The following CALN1 variants were observed in gnomAD, a reference collection of about 807,000 sequenced individuals.
CALN1 encodes calcium-binding protein 8.
In CALN1, 17 loss-of-function variants were observed where a neutral mutation model predicts 30.6. The ratio of observed to expected loss-of-function variants is 0.56; its 90% confidence interval spans 0.38 to 0.83. CALN1 has a LOEUF of 0.83. CALN1 is among the 40% of genes least tolerant of loss of function. The pLI is 0.00. For missense variants in CALN1, 291 were observed against 354.9 expected (o/e 0.82, Z 1.45); for synonymous variants, 156 against 131.4 (o/e 1.19, Z -1.28).
At chr7:72,323,678 A>AAT (rs1554370690) in intron 2 of CALN1, among the ~76,000 whole-genome samples, 13 of 108,848 alleles carry the variant, frequency 1.2e-4, no homozygotes, top group African/African-American at 3.5e-4. Flanking sequence ...AAAAAAATAA[A>AAT]AAATAAAGAG....
At chr7:72,503,061 G>A in the CALN1 span, among the ~76,000 whole-genome samples, 20 of 152,198 alleles carry the variant, frequency 1.3e-4, no homozygotes, top group Admixed American at 1.2e-3. Context: ...CAGGAGAATC[G>A]CTTGAATCTG....
At chr7:72,270,699 CAGG>C (rs1356212567) in intron 3 of CALN1, among the ~76,000 whole-genome samples, 1 of 152,186 alleles carries the variant, frequency 6.6e-6, no homozygotes, top group Non-Finnish European at 1.5e-5. Context: ...CGCTTGAGAT[CAGG>C]AGGTCAATGC....
rs149417473 is a variant in CALN1 at position 72,058,877 on chromosome 7, C to T, written c.389-35108G>A. 7.2e-5 allele frequency among the ~76,000 whole-genome samples: 11 copies of T among 152,120 alleles called. No individual in the cohort carries two copies. In the East Asian group the frequency reaches 1.9e-3, roughly 27 times the overall value. ...TATTCTGCATTAAAAAAACAAAAGTCGAAAACGAAGAACGCTGTCTGGCTT... is the reference window on the plus strand; with the variant it reads ...TATTCTGCATTAAAAAAACAAAAGTTGAAAACGAAGAACGCTGTCTGGCTT... On this transcript the variant is annotated intron_variant, in intron 4 of 6. Transcript: ENST00000395275.
chr7:71,828,632 G>A (rs11981485), intron 5 of CALN1, among the ~76,000 whole-genome samples: 1 of 149,560 alleles, frequency 6.7e-6, no homozygotes, highest in Non-Finnish European at 1.5e-5. Context: ...CTGCCTTTCT[G>A]AACAGAACCA....
chr7:72,121,823 G>A (rs977423105), intron 3 of CALN1, among the ~76,000 whole-genome samples: 1 of 139,262 alleles, frequency 7.2e-6, no homozygotes, highest in Non-Finnish European at 1.5e-5. Context: ...AACATGGTTG[G>A]TTATTATAAA....
At chr7:72,011,235 C>T (rs1466654489) in intron 5 of CALN1, among the ~76,000 whole-genome samples, 1 of 149,588 alleles carries the variant, frequency 6.7e-6, no homozygotes, top group African/African-American at 2.5e-5. Context: ...CAAAAAAAAA[C>T]AAAAACAAAA....
Position 72,254,060 on chromosome 7 carries a change from G to A in CALN1, c.244+24626C>T, listed in dbSNP as rs529497110. ...CCAGCCTCATATCCCCATTTTACCA[G>A]AAGGCAAACTGAGGCTCCATTTCTG... On this transcript the variant is annotated intron_variant, in intron 3 of 6. Transcript: ENST00000395275. Among the ~76,000 whole-genome samples, 43 of 152,154 alleles carry A rather than the reference G, an allele frequency of 2.8e-4. 1 individual carries two copies. Among genetic ancestry groups the A allele is most frequent in the African/African-American group, 9.6e-4 (40 of 41,508 alleles).
chr7:72,267,775 G>A (rs1796692638), intron 3 of CALN1, among the ~76,000 whole-genome samples: 1 of 152,246 alleles, frequency 6.6e-6, no homozygotes, highest in Non-Finnish European at 1.5e-5. Flanking sequence ...GGCAGGCTGA[G>A]GAAGGAGGAT....
intron 5 of CALN1, among the ~76,000 whole-genome samples, chr7:71,912,176 C>T (rs1794458320): frequency 6.6e-6 from 1 of 152,074 alleles, no homozygotes; most frequent in African/African-American, 2.4e-5. Context: ...AAGAGAAAGG[C>T]TTAAGTGGCC....
chr7:72,069,242 C>T (rs1463361940), intron 4 of CALN1, among the ~76,000 whole-genome samples: 1 of 152,202 alleles, frequency 6.6e-6, no homozygotes, highest in Non-Finnish European at 1.5e-5. Context: ...TGGGTCCCCG[C>T]TGCTCAGGCA....
At chr7:71,954,142 A>G (rs1796840923) in intron 5 of CALN1, among the ~76,000 whole-genome samples, 1 of 151,924 alleles carries the variant, frequency 6.6e-6, no homozygotes, top group Non-Finnish European at 1.5e-5. Context: ...TGGGCAACAT[A>G]GCAAGACATC....
intron 5 of CALN1, among the ~76,000 whole-genome samples, chr7:71,834,860 C>G (rs376329217): frequency 2.6e-5 from 4 of 152,172 alleles, no homozygotes; most frequent in African/African-American, 9.7e-5. Context: ...GAGACAGCGT[C>G]TTACTCTGTC....
intron 2 of CALN1, among the ~76,000 whole-genome samples, chr7:72,364,043 G>T (rs1192397988): frequency 1.4e-5 from 2 of 143,982 alleles, no homozygotes; most frequent in Non-Finnish European, 3.0e-5. Flanking sequence ...CACAAAATGT[G>T]TTTTTAATTC....
At chr7:72,202,392 A>G (rs1791503775) in intron 3 of CALN1, among the ~76,000 whole-genome samples, 2 of 152,188 alleles carry the variant, frequency 1.3e-5, no homozygotes, top group Admixed American at 1.3e-4. Context: ...CAAACTAATG[A>G]AAAAAAGAAA....
intron 2 of CALN1, chr7:72,336,659 A>AGAGC: frequency 2.0e-6 from 2 of 981,098 alleles, no homozygotes; most frequent in Non-Finnish European, 2.4e-6. Flanking sequence ...AGAAGAAAAG[A>AGAGC]GAGCGCGCGC....
chr7:72,378,999 T>G (rs544482521), intron 2 of CALN1, among the ~76,000 whole-genome samples: 1 of 152,342 alleles, frequency 6.6e-6, no homozygotes, highest in East Asian at 1.9e-4. Context: ...TTATGTTGTT[T>G]GATTTTAGAA....
chr7:72,079,761 C>CTTTTTTTTTTTTTTTTT (rs3065015), intron 4 of CALN1, among the ~76,000 whole-genome samples: 6 of 104,044 alleles, frequency 5.8e-5, no homozygotes, highest in African/African-American at 1.2e-4. Flanking sequence ...TGCCTTTTTC[C>CTTTTTTTTTTTTTTTTT]TTTTTTTTTT....
chr7:72,042,952 C>T (rs536811544), intron 4 of CALN1, among the ~76,000 whole-genome samples: 17 of 152,288 alleles, frequency 1.1e-4, no homozygotes, highest in Non-Finnish European at 2.4e-4. Flanking sequence ...TCTGCACACA[C>T]CCCCACTCTC....
intron 5 of CALN1, among the ~76,000 whole-genome samples, chr7:71,887,356 T>C (rs976479996): frequency 6.6e-6 from 1 of 152,146 alleles, no homozygotes; most frequent in Non-Finnish European, 1.5e-5. Context: ...CATGCAATGG[T>C]ACAATCTCGG....
Sources: gnomAD v4.1 joint callset for allele counts (sites outside exome capture counted in the v4.1 genomes callset) on GRCh38, gnomAD v4.1.1 for gene constraint, MANE v1.5 for transcripts, NCBI Gene and HGNC (gene_info 2026-07-23, HGNC 2026-07-21) for gene names.